Variants in USH2A observed in about 807,000 individuals in gnomAD.
The protein encoded by USH2A is Usher syndrome 2A (autosomal recessive, mild).
In USH2A, 443 loss-of-function variants were observed where a neutral mutation model predicts 538.9. The ratio of observed to expected loss-of-function variants is 0.82; its 90% CI spans 0.76 to 0.89. The LOEUF (loss-of-function observed/expected upper bound fraction) is 0.89. USH2A is among the 40% of genes least tolerant of loss of function. USH2A has a pLI of 0.00. For missense variants in USH2A, 6,633 were observed against 6,324.8 expected, an observed-to-expected ratio of 1.05 and a Z score of -1.65; for synonymous variants, 2,413 against 2,273.5, an observed-to-expected ratio of 1.06 and a Z score of -1.75.
At chr1:216,129,167 G>T (rs945791685) in intron 21 of USH2A, among the ~76,000 whole-genome samples, 3 of 151,962 alleles carry the variant, frequency 2.0e-5, no homozygotes, top group African/African-American at 7.3e-5. Context: ...TGGACACTTA[G>T]TTTGACTCCA....
chr1:215,830,555 T>C (rs1663283265), intron 47 of USH2A, among the ~76,000 whole-genome samples: 1 of 152,078 alleles, frequency 6.6e-6, no homozygotes, highest in Admixed American at 6.6e-5. Flanking sequence ...AGAAATCATA[T>C]CATTCTAGCC....
At chr1:216,238,442 G>C (rs2035872178) in intron 13 of USH2A, among the ~76,000 whole-genome samples, 2 of 152,080 alleles carry the variant, frequency 1.3e-5, no homozygotes, top group South Asian at 4.1e-4. Flanking sequence ...AACATATTTA[G>C]TGTTATATTT....
At chr1:216,123,493 T>C (rs1030811220) in intron 21 of USH2A, among the ~76,000 whole-genome samples, 2 of 152,212 alleles carry the variant, frequency 1.3e-5, no homozygotes, top group Non-Finnish European at 2.9e-5. Context: ...CTCTCCAATT[T>C]AAAATTCTAT....
intron 30 of USH2A, among the ~76,000 whole-genome samples, chr1:216,069,009 A>G (rs1287248869): frequency 6.6e-6 from 1 of 152,184 alleles, no homozygotes; most frequent in Non-Finnish European, 1.5e-5. Context: ...TAGTTTGGAA[A>G]AATATAAAAT....
intron 47 of USH2A, among the ~76,000 whole-genome samples, chr1:215,826,507 G>T (rs1663160116): frequency 6.6e-6 from 1 of 152,162 alleles, no homozygotes; most frequent in South Asian, 2.1e-4. Context: ...AAAAGAGCAA[G>T]CTACAATTAG....
Position 215,675,323 on chromosome 1 carries a change from C to G in USH2A, c.12588G>C (p.Glu4196Asp). 1.2e-6 allele frequency: 2 copies of G among 1,614,084 alleles called. No individual in the cohort carries two copies. Among genetic ancestry groups the G allele is most frequent in the Non-Finnish European group, 1.7e-6 (2 of 1,180,026 alleles). ...TTGTCTGATTTCCCCAAGCTTTTCC[C>G]TCGAAGCATCTGCGAATCACTTCAT... ...IRYEVIRRCF[E>D]GKAWGNQTIQ... is the part of the protein sequence containing the mutation. Residue 4196 changes from glutamate (E) to aspartate (D), a missense_variant, in exon 63 of 72, where the codon GAG becomes GAC. Physicochemically the swap from Glu to Asp is conservative, Grantham distance 45. Transcript: ENST00000307340.
In USH2A at chr1:215,650,613, G is replaced by A. The variant is rs147037435; in HGVS notation, c.14322C>T (p.Ser4774=). 1.3e-4 allele frequency: 209 copies of A among 1,614,120 alleles called. No individual in the cohort carries two copies. In the African/African-American group the frequency reaches 2.1e-3, roughly 17 times the overall value. ...TCACCACTGTCTCAGCCCCATGGGC[G>A]CTGCTGGAGAACAGCCTGTAGAGAC... ...IVSLYRLFSS[S]AHGAETVLSE... is the part of the protein sequence containing the mutation. Residue 4774 remains serine (S), a synonymous_variant, in exon 65 of 72, where the codon AGC becomes AGT. Transcript: ENST00000307340.
At chr1:216,343,371 C>CAAAA (rs1206103461) in intron 4 of USH2A, among the ~76,000 whole-genome samples, 3 of 87,628 alleles carry the variant, frequency 3.4e-5, no homozygotes, top group African/African-American at 1.1e-4. Context: ...ACCATCTCTA[C>CAAAA]AAAAAAAAAA....
At chr1:215,720,207 A>G (rs1426759281) in intron 61 of USH2A, among the ~76,000 whole-genome samples, 1 of 152,190 alleles carries the variant, frequency 6.6e-6, no homozygotes, top group African/African-American at 2.4e-5. Context: ...TTCAGTGGAG[A>G]AGAAAGAGGC....
chr1:215,674,744 A>G lies in USH2A; in HGVS notation c.13167T>C (p.Tyr4389=), dbSNP rs1355183972. Residue 4389 remains tyrosine (Y), a synonymous_variant, in exon 63 of 72, where the codon TAT becomes TAC. Coordinates refer to ENST00000307340, the MANE Select transcript of USH2A (RefSeq NM_206933.4). ...PTVQNGKITK[Y]LVRYDNKESL... ...ACTCTTTATTATCATATCTAACTAA[A>G]TATTTAGTAATCTTTCCATTTTGCA... 1 of 1,614,120 alleles carries G rather than the reference A, an allele frequency of 6.2e-7. No homozygotes were observed.
chr1:216,152,745 T>C (rs1479490945), intron 21 of USH2A, among the ~76,000 whole-genome samples: 1 of 152,108 alleles, frequency 6.6e-6, no homozygotes, highest in Non-Finnish European at 1.5e-5. Context: ...GGCAGGGAAA[T>C]GCTGGGTAGA....
chr1:215,863,067 T>C (rs1225252041), intron 44 of USH2A, among the ~76,000 whole-genome samples: 1 of 151,970 alleles, frequency 6.6e-6, no homozygotes, highest in Non-Finnish European at 1.5e-5. Context: ...TGAGAAGAAG[T>C]AGTTGGTGAG....
intron 49 of USH2A, among the ~76,000 whole-genome samples, chr1:215,810,741 T>C (rs983033225): frequency 1.3e-5 from 2 of 152,138 alleles, no homozygotes; most frequent in African/African-American, 4.8e-5. Context: ...AAGTAAAGCA[T>C]TTAACAGTAT....
chr1:215,930,088 T>C (rs1046130216), intron 38 of USH2A, among the ~76,000 whole-genome samples: 9 of 152,074 alleles, frequency 5.9e-5, no homozygotes, highest in Non-Finnish European at 8.8e-5. Flanking sequence ...TAGATTATAA[T>C]AATTCTCATC....
At chr1:216,189,906 A>T (rs1024496746) in intron 20 of USH2A, among the ~76,000 whole-genome samples, 1 of 151,858 alleles carries the variant, frequency 6.6e-6, no homozygotes, top group African/African-American at 2.4e-5. Flanking sequence ...AACTAATTAC[A>T]TTTCTATGTA....
At chr1:215,675,714 T>G in intron 62 of USH2A, 98 bp from the exon 63 acceptor site, 2 of 1,594,830 alleles carry the variant, frequency 1.3e-6, no homozygotes, top group Non-Finnish European at 8.5e-7. Flanking sequence ...TGTTCCTTAT[T>G]TTGATGACCC....
At chr1:216,047,674 G>C (rs750992610) in intron 31 of USH2A, among the ~76,000 whole-genome samples, 6 of 152,112 alleles carry the variant, frequency 3.9e-5, no homozygotes, top group Admixed American at 6.5e-5. Context: ...AAAGAGGAAG[G>C]GGGGAATATA....
Position 215,728,279 on chromosome 1 carries a change from T to C in USH2A, c.11817A>G (p.Glu3939=). The C allele has an allele frequency of 6.2e-7, 1 of 1,614,100 alleles. No individual in the cohort carries two copies. The highest frequency in any genetic ancestry group is 1.1e-5 in the South Asian group (1 of 91,074). The change falls in exon 61 of 72, where the codon GAA becomes GAG. Residue 3939 remains glutamate, a synonymous_variant. Coordinates refer to ENST00000307340, the MANE Select transcript of USH2A (RefSeq NM_206933.4). ...TGGAGTTACAGGCTCTGACCCGATA[T>C]TCGTAGAGTGTGAAAGGCCTCAGGG... ...GDTLRPFTLY[E]YRVRACNSKG... is the part of the protein sequence containing the mutation.
In USH2A at chr1:215,900,223, T is replaced by C. The variant is rs546010153; in HGVS notation, c.7452-6A>G. 2.5e-6 allele frequency: 4 copies of C among 1,613,100 alleles called. No homozygotes were observed. Among genetic ancestry groups the C allele is most frequent in the Non-Finnish European group, 3.4e-6 (4 of 1,179,610 alleles). The stretch of plus-strand genomic sequence containing the variant: ...CAGAAGGATTGGAAAATAACCTGTA[T>C]GGGAAATAAATGTCAATTAGGAAGT... On this transcript the variant is annotated splice_polypyrimidine_tract_variant and splice_region_variant and intron_variant, in intron 39 of 71. Transcript: ENST00000307340.
Sources: allele counts gnomAD v4.1 joint callset (sites outside exome capture counted in the v4.1 genomes callset), GRCh38; gene constraint gnomAD v4.1.1; transcripts MANE v1.5; gene names NCBI Gene and HGNC (gene_info 2026-07-23, HGNC 2026-07-21).